Variants in TFAP4 observed in about 807,000 individuals in gnomAD.
TFAP4 encodes the protein activating enhancer-binding protein 4.
A neutral mutation model predicts 40.4 loss-of-function variants in TFAP4; 7 were observed. That is an observed-to-expected ratio of 0.17 (90% confidence interval 0.10 to 0.33). The LOEUF is 0.33. TFAP4 is among the 10% of genes least tolerant of loss of function. TFAP4 has a pLI of 1.00. For synonymous variants in TFAP4, 218 were observed against 181.4 expected (o/e 1.20, Z -1.62); for missense variants, 374 against 451.1 (o/e 0.83, Z 1.55).
At position 4,272,695 on chromosome 16, in the gene TFAP4, T is replaced by G; in HGVS notation, c.52A>C (p.Arg18=). ...TQKVPSLQHF[R]KTEKEVIGGL... ...CCTATCACTTCTTTCTCTGTTTTCC[T>G]GAAATGTTGCAAAGAGGGCACCTTC... is the stretch of plus-strand genomic sequence containing the variant. The change falls in exon 1 of 7, where the codon AGG becomes CGG. Residue 18 remains arginine, a synonymous_variant. Transcript: ENST00000204517. 1 of 1,613,278 alleles carries G rather than the reference T, an allele frequency of 6.2e-7. No individual in the cohort carries two copies. Among genetic ancestry groups the G allele is most frequent in the Non-Finnish European group, 8.5e-7 (1 of 1,179,548 alleles).
intron 4 of TFAP4, among the ~76,000 whole-genome samples, chr16:4,261,567 T>G (rs1236605275): frequency 1.3e-5 from 2 of 152,104 alleles, no homozygotes; most frequent in Non-Finnish European, 2.9e-5. Context: ...GTTACATTTT[T>G]GAGATCCTTT....
At chr16:4,262,985 G>A (rs2052961844) in intron 1 of TFAP4, 1 of 435,606 alleles carries the variant, frequency 2.3e-6, no homozygotes, top group Non-Finnish European at 4.2e-6. Context: ...ATCAGCCTAG[G>A]CAACGTAGTG....
intron 1 of TFAP4, among the ~76,000 whole-genome samples, chr16:4,269,860 ACCATATACCTGC>A (rs2053027970): frequency 6.6e-6 from 1 of 152,038 alleles, no homozygotes; most frequent in Non-Finnish European, 1.5e-5. Flanking sequence ...GATGGAGACT[ACCATATACCTGC>A]CCATATACCT....
At position 4,272,966 on chromosome 16, in the gene TFAP4, G is replaced by A. The variant is rs1026140276; in HGVS notation, c.-220C>T. 3 of 427,910 alleles carry A rather than the reference G, an allele frequency of 7.0e-6. No individual in the cohort carries two copies. The highest frequency in any genetic ancestry group is 8.2e-5 in the East Asian group (2 of 24,516). 26.5% of individuals were successfully genotyped at this position (427,910 alleles called of 1,614,324 possible). ...CCCGGGCGTGTGTATGTGTGTGTGT[G>A]TGTGTGTGTGTGTGTGTGTGTGTGT... is the stretch of plus-strand genomic sequence containing the variant. On this transcript the variant is annotated 5_prime_UTR_variant, in exon 1 of 7. Transcript: ENST00000204517.
rs774042045 is a variant in TFAP4 at position 4,272,757 on chromosome 16, C to A, written c.-11G>T. 3.7e-6 allele frequency: 6 copies of A among 1,612,406 alleles called. No homozygotes were observed. The highest frequency in any genetic ancestry group is 5.1e-6 in the Non-Finnish European group (6 of 1,178,932). ...CATGAAATACTCCATAGCGATCGGC[C>A]CCCCTCCTCTGCACGAGCCAGGTCC... On this transcript the variant is annotated 5_prime_UTR_variant, in exon 1 of 7. Transcript: ENST00000204517.
Position 4,260,115 on chromosome 16 carries a change from C to T in TFAP4, c.797G>A (p.Arg266Gln), listed in dbSNP as rs745900801. The T allele has an allele frequency of 1.3e-5, 20 of 1,558,352 alleles. No individual in the cohort carries two copies. The East Asian group carries it at 3.3e-4, about 26-fold the overall frequency. Reference sequence around the variant, plus strand: ...CTGCACGATGGTGTCCAGATTTTGCCGGGATGTGGAAACAGAGTTGATGAC... The same window carrying T: ...CTGCACGATGGTGTCCAGATTTTGCTGGGATGTGGAAACAGAGTTGATGAC... ...SSVINSVSTS[R>Q]QNLDTIVQAI... The change falls in exon 6 of 7, where the codon CGG becomes CAG. Residue 266 changes from arginine (R) to glutamine (Q), a missense_variant. By Grantham distance (43) the Arg-to-Gln change is conservative. This residue lies in a region of TFAP4 where 9 missense variants were observed against 28.7 expected (regional missense o/e 0.31). Coordinates refer to ENST00000204517, the MANE Select transcript of TFAP4 (RefSeq NM_003223.3).
chr16:4,272,680 C>T lies in TFAP4; in HGVS notation c.67G>A (p.Glu23Lys). ...CACCTACAGAGCCCTCCTATCACTT[C>T]TTTCTCTGTTTTCCTGAAATGTTGC... ...SLQHFRKTEK[E>K]VIGGLCSLAN... The change falls in exon 1 of 7, where the codon GAA becomes AAA. Residue 23 changes from glutamate to lysine, a missense_variant. Physicochemically the swap from Glu to Lys is moderately conservative, Grantham distance 56 (BLOSUM62 1). Transcript: ENST00000204517. 1 of 1,613,232 alleles carries T rather than the reference C, an allele frequency of 6.2e-7. No individual in the cohort carries two copies. Among genetic ancestry groups the T allele is most frequent in the Non-Finnish European group, 8.5e-7 (1 of 1,179,506 alleles).
chr16:4,271,035 TAA>T (rs1179833272), intron 1 of TFAP4, among the ~76,000 whole-genome samples: 1 of 152,226 alleles, frequency 6.6e-6, no homozygotes, highest in East Asian at 1.9e-4. Flanking sequence ...CCCCAGAACA[TAA>T]AAAGAGCTCA....
At chr16:4,263,011 A>C in intron 1 of TFAP4, 1 of 326,718 alleles carries the variant, frequency 3.1e-6, no homozygotes, top group Non-Finnish European at 5.8e-6. Context: ...CTGTCTCTAC[A>C]AAAAAATAAA....
At chr16:4,261,682 A>ATTTACAGGTGCT (rs2052949570) in intron 4 of TFAP4, 97 bp downstream of exon 4, 1 of 1,367,264 alleles carries the variant, frequency 7.3e-7, no homozygotes, top group Non-Finnish European at 9.6e-7. Flanking sequence ...TGCTCCTGTA[A>ATTTACAGGTGCT]ATAGGGCTCC....
chr16:4,272,451 G>C (rs1224705788), intron 1 of TFAP4, among the ~76,000 whole-genome samples: 1 of 152,050 alleles, frequency 6.6e-6, no homozygotes, highest in Admixed American at 6.5e-5. Flanking sequence ...AAAAGTGGCC[G>C]GGGCCGCTTG....
At chr16:4,261,721 C>T (rs2052950039) in intron 4 of TFAP4, 58 bp downstream of exon 4, 1 of 1,493,802 alleles carries the variant, frequency 6.7e-7, no homozygotes, top group Middle Eastern at 2.2e-4. Context: ...AGAGGCGCGA[C>T]CCCAGGCTCC....
intron 1 of TFAP4, among the ~76,000 whole-genome samples, chr16:4,271,168 G>C (rs1009981020): frequency 1.3e-5 from 2 of 152,246 alleles, no homozygotes; most frequent in Non-Finnish European, 2.9e-5. Context: ...GTATTGACTG[G>C]GAACTTCAGA....
Position 4,257,925 on chromosome 16 carries a change from G to C in TFAP4, c.*130C>G, listed in dbSNP as rs1316990919. On this transcript the variant is annotated 3_prime_UTR_variant, in exon 7 of 7. Coordinates refer to ENST00000204517, the MANE Select transcript of TFAP4 (RefSeq NM_003223.3). ...AAGGTCGATTTACAGTATTGAAAAA[G>C]AGGTCATAAAAGAGACCCAAATGAC... is the stretch of plus-strand genomic sequence containing the variant. The C allele has an allele frequency of 4.5e-6, 4 of 879,252 alleles. No homozygotes were observed. Among genetic ancestry groups the C allele is most frequent in the Non-Finnish European group, 5.1e-6 (3 of 589,808 alleles). 54.5% of individuals were successfully genotyped at this position (879,252 alleles called of 1,614,324 possible). A position where few individuals can be genotyped will look rare whatever the true frequency, so the allele number is the denominator to read the frequency against.
At position 4,260,772 on chromosome 16, in the gene TFAP4, C is replaced by T. The variant is rs868790268; in HGVS notation, c.526-177G>A. Among the ~76,000 whole-genome samples the T allele has an allele frequency of 2.0e-5, 3 of 151,834 alleles. No homozygotes were observed. The East Asian group carries it at 5.9e-4, about 30-fold the overall frequency. ...CCCCGGCTCCTCTCGCCTCCCACCT[C>T]GGCCTCCACTGGACCATGCTCCCTC... On this transcript the variant is annotated intron_variant, in intron 4 of 6. Transcript: ENST00000204517.
At chr16:4,271,844 C>G (rs1480662742) in intron 1 of TFAP4, among the ~76,000 whole-genome samples, 1 of 152,216 alleles carries the variant, frequency 6.6e-6, no homozygotes, top group African/African-American at 2.4e-5. Context: ...GGGGGCCGAG[C>G]TTTGTGCAGG....
At chr16:4,259,314 A>G (rs2052925397) in intron 6 of TFAP4, among the ~76,000 whole-genome samples, 2 of 151,592 alleles carry the variant, frequency 1.3e-5, no homozygotes, top group African/African-American at 4.8e-5. Flanking sequence ...TTGTATTTTT[A>G]ATAGAGATGG....
At position 4,272,772 on chromosome 16, in the gene TFAP4, G is replaced by C; in HGVS notation, c.-26C>G. The C allele has an allele frequency of 1.2e-6, 2 of 1,605,998 alleles. No individual in the cohort carries two copies. Among genetic ancestry groups the C allele is most frequent in the Non-Finnish European group, 1.7e-6 (2 of 1,173,576 alleles). Reference sequence around the variant, plus strand: ...AGCGATCGGCCCCCCTCCTCTGCACGAGCCAGGTCCCGCGATCAGCCGGAG... The same window carrying C: ...AGCGATCGGCCCCCCTCCTCTGCACCAGCCAGGTCCCGCGATCAGCCGGAG... On this transcript the variant is annotated 5_prime_UTR_variant, in exon 1 of 7. Coordinates refer to ENST00000204517, the MANE Select transcript of TFAP4 (RefSeq NM_003223.3).
chr16:4,272,288 G>A (rs879738374), intron 1 of TFAP4, among the ~76,000 whole-genome samples: 4 of 152,202 alleles, frequency 2.6e-5, no homozygotes, highest in Admixed American at 6.5e-5. Context: ...AGATCCCGAG[G>A]AAGGAAGGAG....
Sources: allele counts gnomAD v4.1 joint callset (sites outside exome capture counted in the v4.1 genomes callset), GRCh38; gene constraint gnomAD v4.1.1; regional missense constraint gnomAD v4.1.1; transcripts MANE v1.5; gene names NCBI Gene and HGNC (gene_info 2026-07-23, HGNC 2026-07-21).